SLIT3: variants seen among roughly 807,000 people sequenced by gnomAD.
SLIT3 encodes slit guidance ligand 3, also known as slit homolog 3 protein.
Under a neutral mutation model 184.0 loss-of-function variants are expected in SLIT3, and 68 were observed. The ratio of observed to expected loss-of-function variants is 0.37; its 90% CI spans 0.30 to 0.45. The LOEUF is 0.45. Among genes scored for constraint, SLIT3 ranks in the 20% least tolerant of loss-of-function variants. SLIT3 has a pLI of 1.00. For synonymous variants in SLIT3, 831 were observed against 828.6 expected, an observed-to-expected ratio of 1.00 and a Z score of -0.05; for missense variants, 1,707 against 2,026.0, an observed-to-expected ratio of 0.84 and a Z score of 3.02.
intron 4 of SLIT3, among the ~76,000 whole-genome samples, chr5:169,065,336 G>T (rs926315589): frequency 6.6e-6 from 1 of 152,178 alleles, no homozygotes; most frequent in Non-Finnish European, 1.5e-5. Context: ...AAGAATGATA[G>T]AAGAAATATT....
At chr5:169,035,476 C>T (rs536246688) in intron 4 of SLIT3, among the ~76,000 whole-genome samples, 1 of 151,946 alleles carries the variant, frequency 6.6e-6, no homozygotes, top group Non-Finnish European at 1.5e-5. Flanking sequence ...GGTGAAACCA[C>T]GTCTCTACTA....
At chr5:169,091,413 GA>G (rs1179412334) in intron 4 of SLIT3, among the ~76,000 whole-genome samples, 12 of 152,088 alleles carry the variant, frequency 7.9e-5, no homozygotes, top group Non-Finnish European at 1.2e-4. Context: ...GAGCCATGGA[GA>G]AAAAGACACC....
intron 4 of SLIT3, among the ~76,000 whole-genome samples, chr5:169,145,181 C>T (rs900758149): frequency 6.6e-6 from 1 of 152,140 alleles, no homozygotes; most frequent in Non-Finnish European, 1.5e-5. Context: ...CGTGACACCT[C>T]CTTAGACCTG....
At chr5:169,075,927 C>T (rs772334003) in intron 4 of SLIT3, among the ~76,000 whole-genome samples, 1 of 152,160 alleles carries the variant, frequency 6.6e-6, no homozygotes, top group Non-Finnish European at 1.5e-5. Context: ...CCAATACCTG[C>T]CAGAAGAGTT....
chr5:168,922,015 T>C (rs1304983471), intron 4 of SLIT3, among the ~76,000 whole-genome samples: 2 of 152,230 alleles, frequency 1.3e-5, no homozygotes, highest in South Asian at 2.1e-4. Context: ...TTAATCCATA[T>C]ACCAACCATG....
In SLIT3 at chr5:169,189,381, C is replaced by A. The variant is rs112236357; in HGVS notation, c.413+4098G>T. Among the ~76,000 whole-genome samples, 1,186 of 151,940 alleles carry A rather than the reference C, an allele frequency of 7.8e-3. 22 individuals are homozygous for A. The highest frequency in any genetic ancestry group is 0.027 in the African/African-American group (1,132 of 41,414). Reference sequence around the variant, plus strand: ...TGTGTACTGAGTCCCAGTTCCATTGCATCCTAGTTATACAACTATGGGTAA... The same window carrying A: ...TGTGTACTGAGTCCCAGTTCCATTGAATCCTAGTTATACAACTATGGGTAA... On this transcript the variant is annotated intron_variant, in intron 4 of 35. Coordinates refer to ENST00000519560, the MANE Select transcript of SLIT3 (RefSeq NM_003062.4).
At chr5:168,913,195 C>T (rs1377911978) in intron 4 of SLIT3, among the ~76,000 whole-genome samples, 1 of 150,104 alleles carries the variant, frequency 6.7e-6, no homozygotes, top group Non-Finnish European at 1.5e-5. Context: ...CTTCCAATGG[C>T]AAAGGGTTAG....
intron 4 of SLIT3, among the ~76,000 whole-genome samples, chr5:168,950,104 C>T (rs2113236642): frequency 7.1e-6 from 1 of 140,040 alleles, no homozygotes; most frequent in Admixed American, 7.1e-5. Flanking sequence ...TAATGTGATG[C>T]TATTTAGAGG....
intron 4 of SLIT3, among the ~76,000 whole-genome samples, chr5:169,102,119 C>T (rs1279091927): frequency 6.6e-6 from 1 of 152,192 alleles, no homozygotes; most frequent in African/African-American, 2.4e-5. Flanking sequence ...TTCTGGAGGG[C>T]AGGCAATTTG....
chr5:169,166,487 T>C (rs980745686), intron 4 of SLIT3, among the ~76,000 whole-genome samples: 1 of 152,066 alleles, frequency 6.6e-6, no homozygotes, highest in African/African-American at 2.4e-5. Flanking sequence ...TGCATGCTAG[T>C]GAGACCTCAT....
intron 1 of SLIT3, chr5:169,263,573 T>C (rs1288937732): frequency 6.5e-6 from 3 of 459,556 alleles, no homozygotes; most frequent in South Asian, 3.2e-5. Context: ...GGATGATTGC[T>C]GTTGTAAGGC....
chr5:168,697,230 C>G (rs1355218660), intron 27 of SLIT3, among the ~76,000 whole-genome samples: 1 of 152,170 alleles, frequency 6.6e-6, no homozygotes, highest in East Asian at 1.9e-4. Context: ...CCTCGCCTGC[C>G]AAGAGTGAGG....
chr5:169,227,759 T>A (rs1764862667), intron 3 of SLIT3, among the ~76,000 whole-genome samples: 1 of 152,176 alleles, frequency 6.6e-6, no homozygotes, highest in African/African-American at 2.4e-5. Context: ...AAAGCTGCAA[T>A]TACCTTTGCA....
intron 10 of SLIT3, chr5:168,792,174 T>C (rs871193): frequency 0.67 from 102,613 of 152,108 alleles, 36,476 homozygotes; most frequent in African/African-American, 0.91. Context: ...ATGCAGGGCA[T>C]TGAGCTGGAA....
intron 4 of SLIT3, among the ~76,000 whole-genome samples, chr5:168,979,581 A>T (rs1268533596): frequency 6.6e-6 from 1 of 152,232 alleles, no homozygotes; most frequent in East Asian, 1.9e-4. Flanking sequence ...TGAGTTTTCC[A>T]GAGAAAGCTC....
At position 168,999,135 on chromosome 5, in the gene SLIT3, C is replaced by T. The variant is rs180870725; in HGVS notation, c.414-115799G>A. Among the ~76,000 whole-genome samples, 316 of 152,184 alleles carry T rather than the reference C, an allele frequency of 2.1e-3. 2 individuals carry two copies. The highest frequency in any genetic ancestry group is 3.3e-3 in the Non-Finnish European group (226 of 68,008). On this transcript the variant is annotated intron_variant, in intron 4 of 35. Transcript: ENST00000519560. ...CTCACTACATTGCCCAGGCTGGTGT[C>T]GAATTCCTGGGCTCAAGGTATCTTC...
intron 4 of SLIT3, among the ~76,000 whole-genome samples, chr5:168,970,473 C>T (rs1211192033): frequency 2.7e-5 from 4 of 146,598 alleles, no homozygotes; most frequent in South Asian, 4.2e-4. Context: ...CCAGCCTGGG[C>T]GACAAAAGTG....
chr5:169,240,396 C>T (rs925892430), intron 3 of SLIT3, among the ~76,000 whole-genome samples: 5 of 151,284 alleles, frequency 3.3e-5, no homozygotes, highest in African/African-American at 1.2e-4. Context: ...TATTTGCTTT[C>T]CATATTTTCA....
chr5:168,672,520 G>C lies in SLIT3; in HGVS notation c.3841+657C>G, dbSNP rs529307300. Among the ~76,000 whole-genome samples, 5 of 152,264 alleles carry C rather than the reference G, an allele frequency of 3.3e-5. No individual in the cohort carries two copies. The East Asian group carries it at 7.7e-4, about 24-fold the overall frequency. ...AGACAAGGTCTCACTCTGTCACCCA[G>C]GTTGCAGGGCAGTGGCACAATCATG... On this transcript the variant is annotated intron_variant, in intron 33 of 35. Transcript: ENST00000519560.
Sources: allele counts gnomAD v4.1 joint callset (sites outside exome capture counted in the v4.1 genomes callset), GRCh38; gene constraint gnomAD v4.1.1; transcripts MANE v1.5; gene names NCBI Gene and HGNC (gene_info 2026-07-23, HGNC 2026-07-21).